SLFN5: variants seen among roughly 807,000 people sequenced by gnomAD.
The protein encoded by SLFN5 is schlafen family member 5.
A neutral mutation model predicts 48.5 loss-of-function variants in SLFN5; 34 were observed. That is an observed-to-expected ratio of 0.70 (90% CI 0.53 to 0.93). The LOEUF is 0.93. SLFN5 is among the 40% of genes least tolerant of loss of function. SLFN5 has a pLI of 0.00. For missense variants in SLFN5, 1,006 were observed against 1,071.3 expected (o/e 0.94, Z 0.85); for synonymous variants, 387 against 396.2 (o/e 0.98, Z 0.28).
In SLFN5 at chr17:35,265,087, C is replaced by A. The variant is rs370561096; in HGVS notation, c.1875C>A (p.Asn625Lys). Residue 625 changes from asparagine to lysine, a missense_variant, in exon 5 of 5, where the codon AAC becomes AAA. By Grantham distance (94) the Asn-to-Lys change is moderately conservative. Coordinates refer to ENST00000299977, the MANE Select transcript of SLFN5 (RefSeq NM_144975.4). ...TTTCTTACAGTTTCAGCAAGAAAAA[C>A]ATCTGCCAGCCAGTGACCCGGAAAA... is the stretch of plus-strand genomic sequence containing the variant. ...LKKLVSFSKK[N>K]ICQPVTRKTF... The A allele has an allele frequency of 7.5e-6, 12 of 1,609,154 alleles. No homozygotes were observed. The highest frequency in any genetic ancestry group is 4.0e-5 in the African/African-American group (3 of 74,724).
intron 1 of SLFN5, among the ~76,000 whole-genome samples, chr17:35,246,525 A>C (rs754725099): frequency 1.3e-5 from 2 of 152,130 alleles, no homozygotes; most frequent in African/African-American, 2.4e-5. Context: ...CAGAAGGAGA[A>C]GTTCTTAAAG....
chr17:35,264,490 C>T lies in SLFN5; in HGVS notation c.1446C>T (p.Gly482=), dbSNP rs141681707. 7,269 of 1,614,074 alleles carry T rather than the reference C, an allele frequency of 4.5e-3. 29 individuals carry two copies. Among genetic ancestry groups the T allele is most frequent in the Non-Finnish European group, 5.5e-3 (6,507 of 1,179,978 alleles). The change falls in exon 4 of 5, where the codon GGC becomes GGT. Residue 482 remains glycine, a synonymous_variant. Transcript: ENST00000299977. ...TGAAGCAGAAGCTGGTGAACAAAGGCGGCTACACTGGGAGGTTATGCATCA... is the reference window on the plus strand; with the variant it reads ...TGAAGCAGAAGCTGGTGAACAAAGGTGGCTACACTGGGAGGTTATGCATCA... The part of the protein sequence containing the change: ...YSLKQKLVNK[G]GYTGRLCITP...
At chr17:35,261,585 T>C (rs995352603) in intron 3 of SLFN5, among the ~76,000 whole-genome samples, 3 of 152,096 alleles carry the variant, frequency 2.0e-5, no homozygotes, top group African/African-American at 7.2e-5. Flanking sequence ...CCCAGGTTGG[T>C]TTCAAGCTCC....
At chr17:35,258,297 C>T (rs557685926) in intron 1 of SLFN5, among the ~76,000 whole-genome samples, 161 of 152,138 alleles carry the variant, frequency 1.1e-3, no homozygotes, top group Non-Finnish European at 1.5e-3. Context: ...CTGACAATCA[C>T]GGTGGACGGT....
chr17:35,249,875 T>A (rs11080330), intron 1 of SLFN5, among the ~76,000 whole-genome samples: 17,388 of 152,218 alleles, frequency 0.11, 1,132 homozygotes, highest in East Asian at 0.21. Flanking sequence ...GGGCTAAAAA[T>A]TCCACTCACA....
In SLFN5 at chr17:35,257,758, C is replaced by T. The variant is rs76012781; in HGVS notation, c.-40-893C>T. Among the ~76,000 whole-genome samples, 154 of 152,116 alleles carry T rather than the reference C, an allele frequency of 1.0e-3. 2 individuals are homozygous for T. In the East Asian group the frequency reaches 0.022, roughly 22 times the overall value. Reference sequence around the variant, plus strand: ...AACCGTTTGGATTAGGGGAAGCTGACGTCGTTGCTATGTATCTGTTCCATA... The same window carrying T: ...AACCGTTTGGATTAGGGGAAGCTGATGTCGTTGCTATGTATCTGTTCCATA... On this transcript the variant is annotated intron_variant, in intron 1 of 4. Coordinates refer to ENST00000299977, the MANE Select transcript of SLFN5 (RefSeq NM_144975.4).
chr17:35,261,828 A>G (rs1050704915), intron 3 of SLFN5, among the ~76,000 whole-genome samples: 6 of 151,586 alleles, frequency 4.0e-5, no homozygotes, highest in Non-Finnish European at 8.8e-5. Context: ...GGCGCATGCC[A>G]CCACACCCAG....
intron 3 of SLFN5, 23 bp from the exon 4 acceptor site, chr17:35,264,160 C>A (rs765508998): frequency 5.8e-6 from 9 of 1,544,180 alleles, no homozygotes; most frequent in Admixed American, 4.2e-5. Flanking sequence ...TTTCTAATTT[C>A]TTCCCATCCT....
chr17:35,251,816 C>T (rs986198039), intron 1 of SLFN5, among the ~76,000 whole-genome samples: 22 of 148,038 alleles, frequency 1.5e-4, no homozygotes, highest in African/African-American at 5.0e-4. Flanking sequence ...TAGGTTCAAG[C>T]GATTCTCCTG....
Position 35,258,635 on chromosome 17 carries a change from T to A in SLFN5, c.-40-16T>A. On this transcript the variant is annotated splice_polypyrimidine_tract_variant and intron_variant, in intron 1 of 4. Coordinates refer to ENST00000299977, the MANE Select transcript of SLFN5 (RefSeq NM_144975.4). ...TTCTTGTCCTGTTCTAATGGTTCTA[T>A]CTTTCTGTTTTTCAGGAGAACATTT... 1 of 1,561,084 alleles carries A rather than the reference T, an allele frequency of 6.4e-7. No individual in the cohort carries two copies. Among genetic ancestry groups the A allele is most frequent in the Admixed American group, 1.8e-5 (1 of 54,840 alleles).
chr17:35,247,284 A>G (rs1386283791), intron 1 of SLFN5, among the ~76,000 whole-genome samples: 1 of 152,148 alleles, frequency 6.6e-6, no homozygotes, highest in South Asian at 2.1e-4. Flanking sequence ...TTTTGTCACT[A>G]TCAATCTTTC....
At chr17:35,254,953 G>C (rs745387095) in intron 1 of SLFN5, among the ~76,000 whole-genome samples, 55 of 152,244 alleles carry the variant, frequency 3.6e-4, no homozygotes, top group Middle Eastern at 3.4e-3. Flanking sequence ...GGAGGCAGAG[G>C]TTGCAGTGAG....
intron 1 of SLFN5, among the ~76,000 whole-genome samples, chr17:35,254,916 C>T (rs1327590424): frequency 6.6e-6 from 1 of 152,116 alleles, no homozygotes; most frequent in Non-Finnish European, 1.5e-5. Context: ...ACTCAGAAGG[C>T]TGAGGAAGGA....
chr17:35,253,489 A>G (rs951779733), intron 1 of SLFN5, among the ~76,000 whole-genome samples: 6 of 151,692 alleles, frequency 4.0e-5, no homozygotes, highest in Admixed American at 2.6e-4. Context: ...CTCCTACCTC[A>G]GCTTCCCAAG....
rs138228459 is a variant in SLFN5, at chr17:35,265,291, C to T, written c.2079C>T (p.Cys693=). Residue 693 remains cysteine (C), a synonymous_variant, in exon 5 of 5, where the codon TGC becomes TGT. Coordinates refer to ENST00000299977, the MANE Select transcript of SLFN5 (RefSeq NM_144975.4). ...LDYFQTYHLS[C]SGLPPPSDQY... is the part of the protein sequence containing the mutation. ...ACTTTCAGACCTATCACTTGAGTTG[C>T]AGTGGCCTCCCCCCTCCCTCAGACC... 2.5e-6 allele frequency: 4 copies of T among 1,614,020 alleles called. No homozygotes were observed. Among genetic ancestry groups the T allele is most frequent in the South Asian group, 1.1e-5 (1 of 91,054 alleles).
rs960522218 is a variant in SLFN5 at position 35,267,364 on chromosome 17, C to T, written c.*1476C>T. The T allele has an allele frequency of 6.6e-6, 1 of 152,220 alleles. No individual in the cohort carries two copies. The highest frequency in any genetic ancestry group is 1.9e-4 in the East Asian group (1 of 5,186). 9.4% of individuals were successfully genotyped at this position (152,220 alleles called of 1,614,324 possible). On this transcript the variant is annotated 3_prime_UTR_variant, in exon 5 of 5. Coordinates refer to ENST00000299977, the MANE Select transcript of SLFN5 (RefSeq NM_144975.4). ...GCAAAGAATGGAGTTCAACCTTACACTATAAACATCTAATAGATATGTATG... is the reference window on the plus strand; with the variant it reads ...GCAAAGAATGGAGTTCAACCTTACATTATAAACATCTAATAGATATGTATG...
At chr17:35,246,202 TGA>T (rs1315435477) in intron 1 of SLFN5, among the ~76,000 whole-genome samples, 1 of 152,244 alleles carries the variant, frequency 6.6e-6, no homozygotes, top group Non-Finnish European at 1.5e-5. Flanking sequence ...CATTACTTTT[TGA>T]GTGTTCTATA....
intron 1 of SLFN5, among the ~76,000 whole-genome samples, chr17:35,247,622 G>A (rs1458567417): frequency 2.6e-5 from 4 of 152,170 alleles, no homozygotes; most frequent in South Asian, 2.1e-4. Context: ...CCCGGGTTTT[G>A]TTATTGGTTC....
intron 1 of SLFN5, among the ~76,000 whole-genome samples, chr17:35,251,894 A>G (rs1436634070): frequency 6.6e-6 from 1 of 151,898 alleles, no homozygotes; most frequent in Non-Finnish European, 1.5e-5. Flanking sequence ...TTGTAATTTT[A>G]GTAGAAACAG....
Sources: gnomAD v4.1 joint callset for allele counts (sites outside exome capture counted in the v4.1 genomes callset) on GRCh38, gnomAD v4.1.1 for gene constraint, MANE v1.5 for transcripts, NCBI Gene and HGNC (gene_info 2026-07-23, HGNC 2026-07-21) for gene names.